FRMD4A: variants seen among roughly 807,000 people sequenced by gnomAD.
FRMD4A encodes the protein FERM domain containing 4A.
In FRMD4A, 29 loss-of-function variants were observed where a neutral mutation model predicts 129.1. The ratio of observed to expected loss-of-function variants is 0.22; its 90% CI spans 0.17 to 0.31. FRMD4A has a LOEUF of 0.31. FRMD4A is among the 10% of genes least tolerant of loss of function. The pLI, the probability that FRMD4A is intolerant of heterozygous loss-of-function variation, is 1.00. For missense variants in FRMD4A, 1,272 were observed against 1,375.8 expected (o/e 0.92, Z 1.19); for synonymous variants, 634 against 571.6 (o/e 1.11, Z -1.56).
intron 12 of FRMD4A, chr10:13,729,489 C>T (rs372042241): frequency 2.0e-5 from 3 of 152,206 alleles, no homozygotes; most frequent in East Asian, 1.9e-4. Context: ...CGGGAGTCCA[C>T]GCCAAGTTAA....
At chr10:13,664,623 C>A (rs1279407354) in intron 18 of FRMD4A, among the ~76,000 whole-genome samples, 1 of 152,152 alleles carries the variant, frequency 6.6e-6, no homozygotes, top group Non-Finnish European at 1.5e-5. Context: ...CGAGTTTAGG[C>A]TGCAAATCTG....
rs571295534 is a variant in FRMD4A at position 13,999,306 on chromosome 10, G to A, written c.46-140394C>T. Among the ~76,000 whole-genome samples, 10 of 152,258 alleles carry A rather than the reference G, an allele frequency of 6.6e-5. No homozygotes were observed. The East Asian group carries it at 1.9e-3, about 29-fold the overall frequency. On this transcript the variant is annotated intron_variant, in intron 2 of 24. Transcript: ENST00000357447. ...TTCACGAAAGCGCAGACTTAGCTGT[G>A]TCTCTTGGGCCTAGAACACTGTCTG...
At chr10:14,303,381 C>T (rs1420513777) in intron 2 of FRMD4A, among the ~76,000 whole-genome samples, 3 of 152,210 alleles carry the variant, frequency 2.0e-5, no homozygotes, top group Non-Finnish European at 4.4e-5. Flanking sequence ...GGTGATGCCA[C>T]TGCTGCTAGT....
chr10:14,244,642 A>C (rs1328645112), intron 2 of FRMD4A, among the ~76,000 whole-genome samples: 1 of 152,210 alleles, frequency 6.6e-6, no homozygotes, highest in Non-Finnish European at 1.5e-5. Context: ...ACCAACCTAA[A>C]CACTGAACTG....
chr10:13,656,400 T>C (rs529304035), intron 22 of FRMD4A, among the ~76,000 whole-genome samples: 6 of 152,296 alleles, frequency 3.9e-5, no homozygotes, highest in African/African-American at 1.4e-4. Flanking sequence ...CAGTGCACTC[T>C]GGAGGGTCAG....
chr10:13,918,540 T>C (rs1445428047), intron 2 of FRMD4A, among the ~76,000 whole-genome samples: 1 of 152,108 alleles, frequency 6.6e-6, no homozygotes, highest in African/African-American at 2.4e-5. Context: ...ACAATTTTCT[T>C]TTTTTTGAGA....
At chr10:14,223,958 G>A (rs918843493) in intron 2 of FRMD4A, among the ~76,000 whole-genome samples, 10 of 151,938 alleles carry the variant, frequency 6.6e-5, no homozygotes, top group Non-Finnish European at 1.3e-4. Context: ...AGATTTTCGG[G>A]GACCCTTCTC....
At chr10:13,971,696 A>T in intron 2 of FRMD4A, 1 of 1,304,340 alleles carries the variant, frequency 7.7e-7, no homozygotes, top group African/African-American at 1.5e-5. Context: ...TTTTAGCAGC[A>T]GCTGCAGAAC....
At chr10:13,884,174 A>ACT (rs59277823) in intron 2 of FRMD4A, among the ~76,000 whole-genome samples, 1,196 of 105,174 alleles carry the variant, frequency 0.011, 35 homozygotes, top group East Asian at 0.079. Context: ...ACACTCACAC[A>ACT]CTCACACACA....
intron 2 of FRMD4A, among the ~76,000 whole-genome samples, chr10:14,204,742 G>T (rs568704146): frequency 6.6e-6 from 1 of 152,140 alleles, no homozygotes; most frequent in African/African-American, 2.4e-5. Context: ...GGAGCCTGGA[G>T]AGAGAGATTC....
Position 14,154,537 on chromosome 10 carries a change from A to G in FRMD4A, c.45+175521T>C, listed in dbSNP as rs553054466. ...TATGTCTAAAACAATTAAAAATACA[A>G]TCTCCTCATGCTGAAGAGTTCTTAC... On this transcript the variant is annotated intron_variant, in intron 2 of 24. Coordinates refer to ENST00000357447, the MANE Select transcript of FRMD4A (RefSeq NM_018027.5). 7.9e-5 allele frequency among the ~76,000 whole-genome samples: 12 copies of G among 152,360 alleles called. No individual in the cohort carries two copies. In the East Asian group the frequency reaches 2.1e-3, roughly 27 times the overall value.
At chr10:13,823,028 C>A (rs892567541) in intron 3 of FRMD4A, among the ~76,000 whole-genome samples, 1 of 152,182 alleles carries the variant, frequency 6.6e-6, no homozygotes, top group African/African-American at 2.4e-5. Context: ...CTTATTTCCA[C>A]ATAGTTTCTT....
rs780126666 is a variant in FRMD4A at position 14,229,608 on chromosome 10, T to TA, written c.45+100449_45+100450insT. Reference sequence around the variant, plus strand: ...GTGCACCACAATGCTTGGCTAATTTTTAAAAAAAGATGTAGAGACAGAGTC... The same window carrying TA: ...GTGCACCACAATGCTTGGCTAATTTTATAAAAAAAGATGTAGAGACAGAGTC... On this transcript the variant is annotated intron_variant, in intron 2 of 24. Coordinates refer to ENST00000357447, the MANE Select transcript of FRMD4A (RefSeq NM_018027.5). Among the ~76,000 whole-genome samples the TA allele has an allele frequency of 3.3e-5, 5 of 152,162 alleles. No individual in the cohort carries two copies. In the South Asian group the frequency reaches 1.0e-3, roughly 32 times the overall value.
At chr10:14,234,153 G>A (rs1297038035) in intron 2 of FRMD4A, among the ~76,000 whole-genome samples, 3 of 152,110 alleles carry the variant, frequency 2.0e-5, no homozygotes, top group Non-Finnish European at 2.9e-5. Context: ...CTGAACTCTT[G>A]ACATAGCATC....
chr10:14,155,773 A>G (rs928501086), intron 2 of FRMD4A, among the ~76,000 whole-genome samples: 2 of 152,204 alleles, frequency 1.3e-5, no homozygotes, highest in Non-Finnish European at 2.9e-5. Flanking sequence ...GAGGAAAGCC[A>G]TCAAGTAATC....
intron 2 of FRMD4A, among the ~76,000 whole-genome samples, chr10:13,987,018 G>A (rs151326217): frequency 6.6e-6 from 1 of 152,246 alleles, no homozygotes; most frequent in East Asian, 1.9e-4. Flanking sequence ...CTGATGTTCT[G>A]GCTATGTGAC....
At chr10:14,234,711 A>C (rs1323363463) in intron 2 of FRMD4A, among the ~76,000 whole-genome samples, 1 of 152,236 alleles carries the variant, frequency 6.6e-6, no homozygotes, top group East Asian at 1.9e-4. Flanking sequence ...CGATGCTAAA[A>C]ACCAATTCTC....
chr10:13,652,232 T>C (rs717335), intron 23 of FRMD4A: 47 of 526,368 alleles, frequency 8.9e-5, no homozygotes, highest in African/African-American at 8.2e-4. Context: ...GCAAACAGTT[T>C]ATGCCAAGAA....
chr10:13,775,608 A>G (rs996278402), intron 6 of FRMD4A, among the ~76,000 whole-genome samples: 3 of 152,180 alleles, frequency 2.0e-5, no homozygotes, highest in Non-Finnish European at 4.4e-5. Context: ...AAGACTCCGG[A>G]TCCGGGAAAG....
Sources: gnomAD v4.1 joint callset for allele counts (sites outside exome capture counted in the v4.1 genomes callset) on GRCh38, gnomAD v4.1.1 for gene constraint, MANE v1.5 for transcripts, NCBI Gene and HGNC (gene_info 2026-07-23, HGNC 2026-07-21) for gene names.